FARP2: variants seen among roughly 807,000 people sequenced by gnomAD.
The protein encoded by FARP2 is FERM, ARH/RhoGEF and pleckstrin domain protein 2, also known as FERM, ARHGEF and pleckstrin domain-containing protein 2.
Under a neutral mutation model 130.5 loss-of-function variants are expected in FARP2, and 111 were observed. The ratio of observed to expected loss-of-function variants is 0.85; its 90% CI spans 0.73 to 1.00. FARP2 has a LOEUF of 1.00. Ranked by LOEUF, FARP2 falls within the 50% of genes least tolerant of loss-of-function variation. The pLI, the probability that FARP2 is intolerant of heterozygous loss-of-function variation, is 0.00. For missense variants in FARP2, 1,385 were observed against 1,346.3 expected, an observed-to-expected ratio of 1.03 and a Z score of -0.45; for synonymous variants, 504 against 516.9, an observed-to-expected ratio of 0.98 and a Z score of 0.34.
At chr2:241,356,756 A>G (rs1190532371) in intron 1 of FARP2, among the ~76,000 whole-genome samples, 2 of 151,634 alleles carry the variant, frequency 1.3e-5, no homozygotes, top group East Asian at 1.9e-4. Flanking sequence ...GGAGGCCGGC[A>G]GGGCCGTGGG....
intron 4 of FARP2, among the ~76,000 whole-genome samples, chr2:241,406,629 G>T (rs187676967): frequency 1.2e-4 from 18 of 151,544 alleles, no homozygotes; most frequent in South Asian, 8.3e-4. Context: ...GGTTTTTTTG[G>T]GGGGGAGAGG....
chr2:241,389,361 C>T (rs544261659), intron 2 of FARP2, among the ~76,000 whole-genome samples: 23 of 152,294 alleles, frequency 1.5e-4, no homozygotes, highest in African/African-American at 5.3e-4. Flanking sequence ...AATTTTCTTC[C>T]TCTCTCTCTG....
intron 13 of FARP2, chr2:241,447,155 T>C (rs776018848): frequency 6.6e-6 from 1 of 152,254 alleles, no homozygotes; most frequent in Non-Finnish European, 1.5e-5. Context: ...TTAAATGGGC[T>C]TTTTAGCTTT....
intron 2 of FARP2, among the ~76,000 whole-genome samples, chr2:241,378,420 T>TTTTTTTTTA: frequency 6.9e-6 from 1 of 144,318 alleles, no homozygotes; most frequent in Middle Eastern, 3.4e-3. Flanking sequence ...TGGCCTATTT[T>TTTTTTTTTA]TTTTTTTTTG....
chr2:241,455,735 C>CTTTTTTTTT (rs1180839402), intron 13 of FARP2, among the ~76,000 whole-genome samples: 2 of 94,802 alleles, frequency 2.1e-5, no homozygotes, highest in African/African-American at 3.8e-5. Context: ...CTAAAGTTTT[C>CTTTTTTTTT]TTTTTTTTTT....
At chr2:241,486,135 A>C (rs974511165) in intron 21 of FARP2, among the ~76,000 whole-genome samples, 19 of 152,210 alleles carry the variant, frequency 1.2e-4, no homozygotes, top group African/African-American at 4.6e-4. Context: ...AAAATAATTG[A>C]AAGTATAAGA....
At chr2:241,360,866 TGATTCCTCTAGCACAGTA>T (rs1462858279) in intron 1 of FARP2, among the ~76,000 whole-genome samples, 1 of 152,136 alleles carries the variant, frequency 6.6e-6, no homozygotes, top group African/African-American at 2.4e-5. Context: ...AAGAACTCAG[TGATTCCTCTAGCACAGTA>T]GATAAATTTT....
intron 2 of FARP2, among the ~76,000 whole-genome samples, chr2:241,402,382 C>A (rs1405259979): frequency 1.3e-5 from 2 of 152,030 alleles, no homozygotes; most frequent in Admixed American, 6.6e-5. Context: ...AATTTAGTAT[C>A]TTTTTAAATG....
intron 13 of FARP2, chr2:241,443,066 G>A (rs897417034): frequency 4.4e-6 from 1 of 227,028 alleles, no homozygotes; most frequent in South Asian, 5.9e-5. Context: ...CCTGTGTGCT[G>A]TGGTCAAACT....
chr2:241,356,626 G>A (rs1388643535), intron 1 of FARP2, among the ~76,000 whole-genome samples: 1 of 152,098 alleles, frequency 6.6e-6, no homozygotes, highest in African/African-American at 2.4e-5. Flanking sequence ...CAGGCGGGGC[G>A]GTGGGCCGGG....
At chr2:241,425,061 G>T (rs1345699051) in intron 8 of FARP2, among the ~76,000 whole-genome samples, 1 of 152,048 alleles carries the variant, frequency 6.6e-6, no homozygotes, top group Admixed American at 6.6e-5. Context: ...ATAATAATTA[G>T]CCAGGCATGA....
rs111489200 is a variant in FARP2 at position 241,435,243 on chromosome 2, A to G, written c.1100+213A>G. 2.8e-3 allele frequency among the ~76,000 whole-genome samples: 415 copies of G among 147,604 alleles called. 1 individual carries two copies. The highest frequency in any genetic ancestry group is 1.0e-2 in the African/African-American group (401 of 40,140). Reference sequence around the variant, plus strand: ...CGAGTAGCTGGGAATATAGGCGCACACCACTATCCCCTGGCTAGTTTTTTT... The same window carrying G: ...CGAGTAGCTGGGAATATAGGCGCACGCCACTATCCCCTGGCTAGTTTTTTT... On this transcript the variant is annotated intron_variant, in intron 11 of 26. Coordinates refer to ENST00000264042, the MANE Select transcript of FARP2 (RefSeq NM_014808.4).
In FARP2 at chr2:241,466,616, C is replaced by T. The variant is rs942673674; in HGVS notation, c.1894-1524C>T. 8 of 985,082 alleles carry T rather than the reference C, an allele frequency of 8.1e-6. No individual in the cohort carries two copies. The African/African-American group carries it at 1.0e-4, about 13-fold the overall frequency. The allele number at this position is 985,082 out of a possible 1,614,324, so 61.0% of individuals were successfully genotyped here. A position where few individuals can be genotyped will look rare whatever the true frequency, so the allele number is the denominator to read the frequency against. Reference sequence around the variant, plus strand: ...ATAGACATCTGAGCCCAGCTTCCTGCATCCCCACCTGGCCCTCACCACCCC... The same window carrying T: ...ATAGACATCTGAGCCCAGCTTCCTGTATCCCCACCTGGCCCTCACCACCCC... On this transcript the variant is annotated intron_variant, in intron 17 of 26. Transcript: ENST00000264042.
intron 13 of FARP2, among the ~76,000 whole-genome samples, chr2:241,448,215 C>T (rs2063556549): frequency 6.6e-6 from 1 of 152,184 alleles, no homozygotes; most frequent in East Asian, 1.9e-4. Context: ...AGCCCTGCTC[C>T]CTGACCATCA....
chr2:241,357,936 T>C (rs2061104616), intron 1 of FARP2, among the ~76,000 whole-genome samples: 1 of 152,220 alleles, frequency 6.6e-6, no homozygotes, highest in Non-Finnish European at 1.5e-5. Context: ...GTGGCTGTAA[T>C]CCCAGCACTT....
intron 1 of FARP2, among the ~76,000 whole-genome samples, chr2:241,360,543 A>G (rs551886083): frequency 1.1e-4 from 17 of 152,000 alleles, no homozygotes; most frequent in Non-Finnish European, 2.1e-4. Flanking sequence ...GTGTGGTGGC[A>G]TGTGCCTGTA....
At chr2:241,415,492 C>G (rs1484847817) in intron 7 of FARP2, among the ~76,000 whole-genome samples, 3 of 152,144 alleles carry the variant, frequency 2.0e-5, no homozygotes, top group Non-Finnish European at 4.4e-5. Flanking sequence ...AACTGTCCAA[C>G]CTGAAGGACA....
Position 241,492,987 on chromosome 2 carries a change from T to C in FARP2, c.2846T>C (p.Leu949Pro). 6.2e-7 allele frequency: 1 copy of C among 1,612,922 alleles called. No individual in the cohort carries two copies. The highest frequency in any genetic ancestry group is 8.5e-7 in the Non-Finnish European group (1 of 1,178,892). The stretch of plus-strand genomic sequence containing the variant: ...AAAAACAGTCATGGCTGGCAGAAGC[T>C]CTGGGTCGTCTTTACCAACTTCTGT... ...KFKNSHGWQK[L>P]WVVFTNFCLF... The change falls in exon 25 of 27, where the codon CTC becomes CCC. Residue 949 changes from leucine to proline, a missense_variant. Coordinates refer to ENST00000264042, the MANE Select transcript of FARP2 (RefSeq NM_014808.4).
intron 1 of FARP2, among the ~76,000 whole-genome samples, chr2:241,365,251 C>T (rs1358557919): frequency 2.0e-5 from 3 of 152,198 alleles, no homozygotes; most frequent in Admixed American, 6.5e-5. Flanking sequence ...ATAATCAACA[C>T]ATGGACAATC....
Sources: gnomAD v4.1 joint callset for allele counts (sites outside exome capture counted in the v4.1 genomes callset) on GRCh38, gnomAD v4.1.1 for gene constraint, MANE v1.5 for transcripts, NCBI Gene and HGNC (gene_info 2026-07-23, HGNC 2026-07-21) for gene names.